The following TCF7L2 variants were observed in gnomAD, a reference collection of about 807,000 sequenced individuals.
TCF7L2 encodes transcription factor 7-like 2.
TCF7L2 carries 23 observed loss-of-function variants against 77.9 expected under a neutral mutation model. The observed-to-expected ratio is 0.30, with a 90% CI of 0.21 to 0.42. The LOEUF (loss-of-function observed/expected upper bound fraction) is 0.42. TCF7L2 is among the 10% of genes least tolerant of loss of function. The pLI is 1.00. For missense variants in TCF7L2, 654 were observed against 793.1 expected, an observed-to-expected ratio of 0.82 and a Z score of 2.11; for synonymous variants, 413 against 340.2, an observed-to-expected ratio of 1.21 and a Z score of -2.36.
At chr10:113,130,922 T>A (rs1203808090) in intron 5 of TCF7L2, among the ~76,000 whole-genome samples, 2 of 151,774 alleles carry the variant, frequency 1.3e-5, no homozygotes, top group Admixed American at 1.3e-4. Context: ...CCCGCCACCA[T>A]GCCCAGATAA....
rs774006464 is a variant in TCF7L2, at chr10:113,150,943, C to A, written c.876-55C>A. ...TTCTTTTTAATTGTGTGTACACATC[C>A]CTCCTCATTCATTCATTTTGATTCT... On this transcript the variant is annotated intron_variant, in intron 8 of 13. Transcript: ENST00000627217. 26 of 1,610,688 alleles carry A rather than the reference C, an allele frequency of 1.6e-5. No homozygotes were observed. In the South Asian group the frequency reaches 2.6e-4, roughly 16 times the overall value.
At chr10:113,017,856 G>A (rs1054658922) in intron 4 of TCF7L2, among the ~76,000 whole-genome samples, 43 of 152,142 alleles carry the variant, frequency 2.8e-4, no homozygotes, top group African/African-American at 9.4e-4. Context: ...ACAGAGTTAC[G>A]TTTCTATTCA....
intron 5 of TCF7L2, among the ~76,000 whole-genome samples, chr10:113,042,403 G>C (rs909832597): frequency 3.3e-5 from 5 of 152,220 alleles, no homozygotes; most frequent in African/African-American, 7.2e-5. Context: ...ATCTGGGAAT[G>C]GCCATTGCCT....
intron 13 of TCF7L2, among the ~76,000 whole-genome samples, chr10:113,162,503 A>AT (rs1290996301): frequency 6.6e-6 from 1 of 152,030 alleles, no homozygotes; most frequent in East Asian, 1.9e-4. Flanking sequence ...TTATTGATAT[A>AT]TAAAAAAAAA....
intron 5 of TCF7L2, among the ~76,000 whole-genome samples, chr10:113,062,417 G>T (rs1255660970): frequency 6.6e-6 from 1 of 152,142 alleles, no homozygotes; most frequent in African/African-American, 2.4e-5. Flanking sequence ...TAAGGTTTCC[G>T]TGAAAACCTT....
In TCF7L2 at chr10:113,059,564, G is replaced by A. The variant is rs989494196; in HGVS notation, c.552+19438G>A. On this transcript the variant is annotated intron_variant, in intron 5 of 13. Transcript: ENST00000627217. ...ATGAAGCGGAGCCCTTTCAGCTCAC[G>A]GTGGACTGTGTTGGTGCGCGGGTCA... is the stretch of plus-strand genomic sequence containing the variant. Among the ~76,000 whole-genome samples, 4 of 152,198 alleles carry A rather than the reference G, an allele frequency of 2.6e-5. No individual in the cohort carries two copies. In the East Asian group the frequency reaches 5.8e-4, roughly 22 times the overall value.
intron 5 of TCF7L2, among the ~76,000 whole-genome samples, chr10:113,113,138 A>G (rs1591843613): frequency 6.6e-6 from 1 of 151,774 alleles, no homozygotes; most frequent in Non-Finnish European, 1.5e-5. Context: ...ATAACCAAAA[A>G]CCCAAACACT....
chr10:113,083,734 TCTC>T (rs2059553520), intron 5 of TCF7L2, among the ~76,000 whole-genome samples: 1 of 152,230 alleles, frequency 6.6e-6, no homozygotes, highest in Non-Finnish European at 1.5e-5. Flanking sequence ...GATGTTACCT[TCTC>T]ACCAATTTTT....
intron 4 of TCF7L2, among the ~76,000 whole-genome samples, chr10:112,978,493 T>C (rs2039854687): frequency 6.7e-6 from 1 of 150,010 alleles, no homozygotes; most frequent in Admixed American, 6.7e-5. Context: ...TGAGACGGAG[T>C]CTTGCTCTGT....
intron 5 of TCF7L2, among the ~76,000 whole-genome samples, chr10:113,075,674 G>A (rs2058615614): frequency 6.6e-6 from 1 of 152,158 alleles, no homozygotes; most frequent in Non-Finnish European, 1.5e-5. Flanking sequence ...AAGGTCTGTG[G>A]TGCAGAGAAT....
chr10:113,077,514 C>T (rs899000829), intron 5 of TCF7L2, among the ~76,000 whole-genome samples: 1 of 152,106 alleles, frequency 6.6e-6, no homozygotes, highest in African/African-American at 2.4e-5. Flanking sequence ...CCTTCTCCCC[C>T]ATGCCCAAGG....
chr10:113,161,735 A>G, intron 13 of TCF7L2: 2 of 963,502 alleles, frequency 2.1e-6, no homozygotes, highest in Admixed American at 2.1e-5. Context: ...CATTACGTGC[A>G]TGCCCACGAG....
In TCF7L2 at chr10:113,167,449, C is replaced by T. The variant is rs1440489446; in HGVS notation, c.*1477C>T. On this transcript the variant is annotated 3_prime_UTR_variant, in exon 14 of 14. Transcript: ENST00000627217. Reference sequence around the variant, plus strand: ...TAGTTGACATGAAGCGATTGTAAAACTGTCTCCGATTTTTCTCTGGTTTAT... The same window carrying T: ...TAGTTGACATGAAGCGATTGTAAAATTGTCTCCGATTTTTCTCTGGTTTAT... The T allele has an allele frequency of 1.8e-5, 4 of 223,988 alleles. No homozygotes were observed. Among genetic ancestry groups the T allele is most frequent in the Non-Finnish European group, 3.6e-5 (4 of 112,442 alleles). 13.9% of individuals were successfully genotyped at this position (223,988 alleles called of 1,614,324 possible). A position where few individuals can be genotyped will look rare whatever the true frequency, so the allele number is the denominator to read the frequency against.
intron 4 of TCF7L2, among the ~76,000 whole-genome samples, chr10:113,016,420 T>A (rs2047352068): frequency 6.6e-6 from 1 of 152,226 alleles, no homozygotes; most frequent in South Asian, 2.1e-4. Context: ...ATCAGCTTGC[T>A]TCCTGGGGAT....
At chr10:112,988,265 T>G (rs113059090) in intron 4 of TCF7L2, among the ~76,000 whole-genome samples, 7 of 151,798 alleles carry the variant, frequency 4.6e-5, no homozygotes, top group African/African-American at 1.7e-4. Flanking sequence ...GCTGGGCTGA[T>G]TTTTAGTATT....
At chr10:112,979,726 A>G (rs1337128839) in intron 4 of TCF7L2, among the ~76,000 whole-genome samples, 1 of 152,044 alleles carries the variant, frequency 6.6e-6, no homozygotes, top group Non-Finnish European at 1.5e-5. Context: ...ACTGTACTCC[A>G]GCCTAGGTGA....
intron 4 of TCF7L2, among the ~76,000 whole-genome samples, chr10:112,972,237 T>G (rs1451716790): frequency 6.6e-6 from 1 of 152,158 alleles, no homozygotes; most frequent in Admixed American, 6.6e-5. Context: ...GAATGAGAAA[T>G]TGGACTGCCC....
At chr10:113,134,342 G>A (rs1428969239) in intron 5 of TCF7L2, among the ~76,000 whole-genome samples, 1 of 152,226 alleles carries the variant, frequency 6.6e-6, no homozygotes, top group Non-Finnish European at 1.5e-5. Context: ...GGATGCAAAA[G>A]CAAGTGTTGG....
Position 113,151,054 on chromosome 10 carries a change from A to T in TCF7L2, c.932A>T (p.His311Leu), listed in dbSNP as rs1361472885. The T allele has an allele frequency of 6.2e-7, 1 of 1,614,124 alleles. No homozygotes were observed. Among genetic ancestry groups the T allele is most frequent in the African/African-American group, 1.3e-5 (1 of 75,020 alleles). ...ACGCTACACACGACGGGCATTCCGC[A>T]TCCGGCCATAGTCACACCAACAGTC... Residue 311 changes from histidine (H) to leucine (L), a missense_variant, in exon 9 of 14, where the codon CAT becomes CTT. By Grantham distance (99) the His-to-Leu change is moderately conservative. Around this residue, in one of 6 missense-constraint regions of TCF7L2, gnomAD observed 179 missense variants for 270.6 expected, o/e 0.66. Coordinates refer to ENST00000627217, the MANE Select transcript of TCF7L2 (RefSeq NM_001146274.2). This position sits in a 1 kb window ranked among gnomAD's most constrained non-coding sequence, Gnocchi z 5.2.
Sources: allele counts gnomAD v4.1 joint callset (sites outside exome capture counted in the v4.1 genomes callset), GRCh38; gene constraint gnomAD v4.1.1; regional missense constraint gnomAD v4.1.1; non-coding constraint Gnocchi (gnomAD v3.1); transcripts MANE v1.5; gene names NCBI Gene and HGNC (gene_info 2026-07-23, HGNC 2026-07-21).